The following ATRNL1 variants were observed in gnomAD, a reference collection of about 807,000 sequenced individuals.
The protein encoded by ATRNL1 is attractin-like protein 1.
Under a neutral mutation model 182.7 loss-of-function variants are expected in ATRNL1, and 95 were observed. The observed-to-expected ratio is 0.52, with a 90% CI of 0.44 to 0.62. ATRNL1 has a LOEUF of 0.62. Ranked by LOEUF, ATRNL1 falls within the 20% of genes least tolerant of loss-of-function variation. The pLI, the probability that ATRNL1 is intolerant of heterozygous loss-of-function variation, is 0.00. For synonymous variants in ATRNL1, 576 were observed against 568.3 expected (o/e 1.01, Z -0.19); for missense variants, 1,471 against 1,679.5 (o/e 0.88, Z 2.17).
At chr10:115,848,463 G>A (rs782419446) in intron 28 of ATRNL1, among the ~76,000 whole-genome samples, 7 of 152,128 alleles carry the variant, frequency 4.6e-5, no homozygotes, top group African/African-American at 1.7e-4. Flanking sequence ...ATAGCTTCAC[G>A]CAACCATCTC....
chr10:115,757,972 C>T (rs1165606300), intron 27 of ATRNL1, among the ~76,000 whole-genome samples: 1 of 151,844 alleles, frequency 6.6e-6, no homozygotes, highest in East Asian at 2.0e-4. Context: ...CTTGTGTATG[C>T]TTCACGAAGT....
At chr10:115,275,124 C>A (rs368898784) in intron 13 of ATRNL1, among the ~76,000 whole-genome samples, 4 of 152,174 alleles carry the variant, frequency 2.6e-5, no homozygotes, top group Admixed American at 2.0e-4. Context: ...TGGCTTTTCG[C>A]TCCGTAATTG....
At chr10:115,433,385 G>T (rs1280771581) in intron 21 of ATRNL1, among the ~76,000 whole-genome samples, 12 of 152,082 alleles carry the variant, frequency 7.9e-5, no homozygotes, top group African/African-American at 2.7e-4. Flanking sequence ...TTTTGTTAGT[G>T]AATGTTTTAT....
Position 115,910,380 on chromosome 10 carries a change from G to A in ATRNL1, c.4019-34278G>A, listed in dbSNP as rs542878195. ...TAATAAGTGGTGTTTGTCAACACCT[G>A]TCTCCCCATCGGGGAGAAGCCTTCT... On this transcript the variant is annotated intron_variant, in intron 28 of 28. Coordinates refer to ENST00000355044, the MANE Select transcript of ATRNL1 (RefSeq NM_207303.4). Among the ~76,000 whole-genome samples the A allele has an allele frequency of 4.6e-5, 7 of 152,224 alleles. No individual in the cohort carries two copies. In the East Asian group the frequency reaches 1.4e-3, roughly 29 times the overall value.
chr10:115,604,741 A>G (rs1856787434), intron 26 of ATRNL1, among the ~76,000 whole-genome samples: 1 of 152,156 alleles, frequency 6.6e-6, no homozygotes, highest in Non-Finnish European at 1.5e-5. Flanking sequence ...TCTCTAAAGA[A>G]TCACTGTGCT....
At chr10:115,409,890 C>T (rs1845047316) in intron 20 of ATRNL1, among the ~76,000 whole-genome samples, 1 of 151,954 alleles carries the variant, frequency 6.6e-6, no homozygotes, top group South Asian at 2.1e-4. Context: ...TGTTGAGGTA[C>T]TTTCCTTCTA....
In ATRNL1 at chr10:115,171,089, C is replaced by T; in HGVS notation, c.1145C>T (p.Thr382Ile). Reference protein sequence around the residue: ...GRIETNDGNVTDELWVFNIHS... With the variant: ...GRIETNDGNVIDELWVFNIHS... ...ATTGAAACAAATGATGGCAATGTCACAGATGAATTATGGGTTTTTAACATA... is the reference window on the plus strand; with the variant it reads ...ATTGAAACAAATGATGGCAATGTCATAGATGAATTATGGGTTTTTAACATA... Residue 382 changes from threonine to isoleucine, a missense_variant, in exon 8 of 29, where the codon ACA (threonine) becomes ATA (isoleucine). Thr to Ile is a moderately conservative substitution (Grantham distance 89, BLOSUM62 -1). This residue lies in a region of ATRNL1 where 1,031 missense variants were observed against 1,156.0 expected (regional missense o/e 0.89). Transcript: ENST00000355044. 1 of 1,589,338 alleles carries T rather than the reference C, an allele frequency of 6.3e-7. No individual in the cohort carries two copies. The highest frequency in any genetic ancestry group is 8.6e-7 in the Non-Finnish European group (1 of 1,165,780).
At chr10:115,219,231 C>CAA (rs78580406) in intron 9 of ATRNL1, among the ~76,000 whole-genome samples, 11 of 60,782 alleles carry the variant, frequency 1.8e-4, no homozygotes, top group Middle Eastern at 0.014. Context: ...GACTCCATCT[C>CAA]AAAAAAAAAA....
intron 18 of ATRNL1, among the ~76,000 whole-genome samples, chr10:115,318,064 T>G (rs1328055927): frequency 6.6e-6 from 1 of 152,030 alleles, no homozygotes; most frequent in Non-Finnish European, 1.5e-5. Flanking sequence ...CGAGCTGTGT[T>G]CCATCAATAC....
chr10:115,667,748 G>A (rs1387295275), intron 26 of ATRNL1, among the ~76,000 whole-genome samples: 4 of 151,692 alleles, frequency 2.6e-5, no homozygotes, highest in Admixed American at 2.0e-4. Flanking sequence ...TGAAACTCCC[G>A]GGGGCTCAAG....
intron 19 of ATRNL1, among the ~76,000 whole-genome samples, chr10:115,377,141 G>C (rs1395175518): frequency 6.6e-6 from 1 of 152,046 alleles, no homozygotes; most frequent in Non-Finnish European, 1.5e-5. Context: ...TTGTTGGTAT[G>C]GTTTGGCTGT....
chr10:115,663,921 GT>G (rs1417135856), intron 26 of ATRNL1, among the ~76,000 whole-genome samples: 1 of 152,094 alleles, frequency 6.6e-6, no homozygotes, highest in Non-Finnish European at 1.5e-5. Flanking sequence ...AGCCAAAGAA[GT>G]TTACTTGGAA....
chr10:115,924,333 A>T (rs2263622), intron 28 of ATRNL1, among the ~76,000 whole-genome samples: 107,828 of 151,864 alleles, frequency 0.71, 40,037 homozygotes, highest in East Asian at 0.95. Flanking sequence ...CATGCCTATG[A>T]CCTGAATGTT....
chr10:115,377,845 C>G (rs572270609), intron 19 of ATRNL1, among the ~76,000 whole-genome samples: 2 of 152,266 alleles, frequency 1.3e-5, no homozygotes, highest in South Asian at 2.1e-4. Context: ...TACTGGGGCT[C>G]TAGCAAGTAT....
At chr10:115,841,832 CT>C (rs1273297658) in intron 27 of ATRNL1, among the ~76,000 whole-genome samples, 2 of 152,012 alleles carry the variant, frequency 1.3e-5, no homozygotes, top group African/African-American at 4.8e-5. Flanking sequence ...AATCTGGAAT[CT>C]TAGTATTTGC....
At chr10:115,809,036 T>C (rs2134251758) in intron 27 of ATRNL1, among the ~76,000 whole-genome samples, 1 of 152,270 alleles carries the variant, frequency 6.6e-6, no homozygotes, top group South Asian at 2.1e-4. Context: ...TAATGTTGTA[T>C]GTGATAAGGG....
intron 24 of ATRNL1, among the ~76,000 whole-genome samples, chr10:115,472,369 A>G (rs868950358): frequency 6.6e-6 from 1 of 150,716 alleles, no homozygotes; most frequent in Non-Finnish European, 1.5e-5. Flanking sequence ...TTTTTTTTCT[A>G]TATCTGTGAA....
intron 26 of ATRNL1, among the ~76,000 whole-genome samples, chr10:115,709,021 A>C (rs141644918): frequency 0.01 from 1,555 of 151,942 alleles, 20 homozygotes; most frequent in Non-Finnish European, 0.012. Flanking sequence ...TTCGTTGACA[A>C]CAGTGGCATC....
At chr10:115,249,177 A>G (rs1469596620) in intron 10 of ATRNL1, among the ~76,000 whole-genome samples, 2 of 151,964 alleles carry the variant, frequency 1.3e-5, no homozygotes, top group Non-Finnish European at 2.9e-5. Flanking sequence ...ATTTTTCAGT[A>G]GAGACAGGAT....
Sources: allele counts gnomAD v4.1 joint callset (sites outside exome capture counted in the v4.1 genomes callset), GRCh38; gene constraint gnomAD v4.1.1; regional missense constraint gnomAD v4.1.1; transcripts MANE v1.5; gene names NCBI Gene and HGNC (gene_info 2026-07-23, HGNC 2026-07-21).